The following LRRK2 variants were observed in gnomAD, a reference collection of about 807,000 sequenced individuals.
LRRK2 encodes leucine-rich repeat serine/threonine-protein kinase 2.
Under a neutral mutation model 302.6 loss-of-function variants are expected in LRRK2, and 203 were observed. The observed-to-expected ratio is 0.67, with a 90% CI of 0.60 to 0.75. The LOEUF is 0.75. Among genes scored for constraint, LRRK2 ranks in the 30% least tolerant of loss-of-function variants. The pLI, the probability that LRRK2 is intolerant of heterozygous loss-of-function variation, is 0.00. For missense variants in LRRK2, 2,830 were observed against 2,951.0 expected, an observed-to-expected ratio of 0.96 and a Z score of 0.95; for synonymous variants, 1,066 against 1,031.9, an observed-to-expected ratio of 1.03 and a Z score of -0.63.
rs370053016 is a variant in LRRK2, at chr12:40,322,336, C to G, written c.5335C>G (p.Gln1779Glu). 1 of 1,613,252 alleles carries G rather than the reference C, an allele frequency of 6.2e-7. No homozygotes were observed. Among genetic ancestry groups the G allele is most frequent in the Non-Finnish European group, 8.5e-7 (1 of 1,179,636 alleles). The change falls in exon 37 of 51, where the codon CAA becomes GAA. Residue 1779 changes from glutamine to glutamate, a missense_variant. Coordinates refer to ENST00000298910, the MANE Select transcript of LRRK2 (RefSeq NM_198578.4). ...TCATGTAGGCTGTATTCTTTTGGGC[C>G]AAGTTGTGGACCACATTGATTCTCT... ...SCRKGCILLG[Q>E]VVDHIDSLME... is the part of the protein sequence containing the mutation.
At chr12:40,246,611 G>C (rs763503364) in intron 7 of LRRK2, among the ~76,000 whole-genome samples, 1 of 152,066 alleles carries the variant, frequency 6.6e-6, no homozygotes, top group Non-Finnish European at 1.5e-5. Flanking sequence ...TTTCTTGTAT[G>C]GTTGTGAGTT....
At chr12:40,300,518 T>C (rs1944583514) in intron 25 of LRRK2, among the ~76,000 whole-genome samples, 1 of 152,204 alleles carries the variant, frequency 6.6e-6, no homozygotes. Context: ...TTATTAATAG[T>C]ATTTTAATTT....
intron 26 of LRRK2, 71 bp from the exon 27 acceptor site, chr12:40,303,877 T>G: frequency 2.1e-6 from 3 of 1,451,506 alleles, no homozygotes; most frequent in Non-Finnish European, 1.9e-6. Flanking sequence ...TGGGGAAAAT[T>G]ATTTGTGATG....
chr12:40,253,568 G>A (rs1309639609), intron 11 of LRRK2, among the ~76,000 whole-genome samples: 1 of 152,108 alleles, frequency 6.6e-6, no homozygotes, highest in Non-Finnish European at 1.5e-5. Flanking sequence ...TGCAGAGATG[G>A]TGTTTTGCCA....
intron 25 of LRRK2, among the ~76,000 whole-genome samples, chr12:40,300,422 C>A (rs961744304): frequency 1.3e-5 from 2 of 152,200 alleles, no homozygotes; most frequent in Non-Finnish European, 2.9e-5. Context: ...AGAATACTCA[C>A]ATCTTGCCAC....
At chr12:40,344,127 A>G (rs1034041439) in intron 41 of LRRK2, among the ~76,000 whole-genome samples, 5 of 152,108 alleles carry the variant, frequency 3.3e-5, no homozygotes, top group Admixed American at 2.6e-4. Flanking sequence ...TCACAGCTCT[A>G]CCATCTTCGG....
intron 1 of LRRK2, 87 bp downstream of exon 1, chr12:40,225,369 A>G: frequency 2.0e-6 from 3 of 1,502,538 alleles, no homozygotes; most frequent in South Asian, 1.2e-5. Context: ...CCTCCCCTTG[A>G]CCCTGCTCAA....
intron 43 of LRRK2, among the ~76,000 whole-genome samples, chr12:40,350,664 CT>C (rs1390638131): frequency 6.6e-6 from 1 of 152,012 alleles, no homozygotes; most frequent in Non-Finnish European, 1.5e-5. Context: ...ACTATAATGA[CT>C]TTATCAAATA....
chr12:40,302,465 TG>T (rs1313077706), intron 25 of LRRK2, among the ~76,000 whole-genome samples: 3 of 152,144 alleles, frequency 2.0e-5, no homozygotes, highest in Non-Finnish European at 2.9e-5. Flanking sequence ...TTAATCTATA[TG>T]GTATATAATA....
At chr12:40,348,323 T>C in intron 42 of LRRK2, 86 bp from the exon 43 acceptor site, 1 of 894,684 alleles carries the variant, frequency 1.1e-6, no homozygotes, top group South Asian at 1.5e-5. Context: ...TTCTTTGCAA[T>C]GTCTGGACCT....
chr12:40,337,551 G>A (rs934072990), intron 40 of LRRK2, among the ~76,000 whole-genome samples: 2 of 151,970 alleles, frequency 1.3e-5, no homozygotes, highest in Non-Finnish European at 2.9e-5. Flanking sequence ...ACCTTCCCCC[G>A]AAAGCAAGTA....
At chr12:40,250,466 G>T (rs1565680278) in intron 8 of LRRK2, among the ~76,000 whole-genome samples, 1 of 152,108 alleles carries the variant, frequency 6.6e-6, no homozygotes, top group Non-Finnish European at 1.5e-5. Flanking sequence ...CTCCAGCCTG[G>T]GCAACAAGAA....
At chr12:40,363,319 G>T in intron 47 of LRRK2, 83 bp from the exon 48 acceptor site, 1 of 1,267,574 alleles carries the variant, frequency 7.9e-7, no homozygotes. Context: ...TTTACATTAA[G>T]AACTAATATA....
At position 40,288,670 on chromosome 12, in the gene LRRK2, T is replaced by C. The variant is rs1433821893; in HGVS notation, c.2689+1131T>C. ...GGTTTAATTCATTTAGATGTAATTT[T>C]CATTTCCCTGATGACTAATTATGTA... On this transcript the variant is annotated intron_variant, in intron 20 of 50. Coordinates refer to ENST00000298910, the MANE Select transcript of LRRK2 (RefSeq NM_198578.4). 5.3e-5 allele frequency among the ~76,000 whole-genome samples: 8 copies of C among 152,032 alleles called. No homozygotes were observed. The South Asian group carries it at 1.4e-3, about 28-fold the overall frequency.
intron 39 of LRRK2, among the ~76,000 whole-genome samples, chr12:40,329,373 A>C (rs1036395019): frequency 3.3e-5 from 5 of 152,164 alleles, no homozygotes; most frequent in Non-Finnish European, 7.4e-5. Context: ...AATTAACGCT[A>C]TTCTTTCTCC....
intron 45 of LRRK2, among the ~76,000 whole-genome samples, chr12:40,355,543 T>TTC (rs1946506223): frequency 1.1e-5 from 1 of 89,824 alleles, no homozygotes; most frequent in Admixed American, 1.3e-4. Context: ...CTTCCTTCCT[T>TTC]CTTCTTTTTT....
At chr12:40,243,891 A>G (rs1941854972) in intron 7 of LRRK2, among the ~76,000 whole-genome samples, 2 of 152,120 alleles carry the variant, frequency 1.3e-5, no homozygotes, top group Admixed American at 6.6e-5. Flanking sequence ...TTTTAAAAGG[A>G]GTGTCAAAAA....
At chr12:40,321,913 T>TA in intron 35 of LRRK2, 122 bp from the exon 36 acceptor site, 7 of 952,014 alleles carry the variant, frequency 7.4e-6, no homozygotes, top group Non-Finnish European at 1.1e-5. Context: ...CTCATATCAG[T>TA]AACAACCCAA....
intron 15 of LRRK2, 60 bp downstream of exon 15, chr12:40,274,787 T>G: frequency 1.2e-6 from 2 of 1,610,122 alleles, no homozygotes; most frequent in South Asian, 2.2e-5. Flanking sequence ...AGCTGGTGAC[T>G]GGATGTCTTT....
Sources: gnomAD v4.1 joint callset for allele counts (sites outside exome capture counted in the v4.1 genomes callset) on GRCh38, gnomAD v4.1.1 for gene constraint, MANE v1.5 for transcripts, NCBI Gene and HGNC (gene_info 2026-07-23, HGNC 2026-07-21) for gene names.